Variants in ADAMTS3 observed in about 807,000 individuals in gnomAD.
ADAMTS3 encodes ADAM metallopeptidase with thrombospondin type 1 motif 3, also known as A disintegrin and metalloproteinase with thrombospondin motifs 3.
A neutral mutation model predicts 129.0 loss-of-function variants in ADAMTS3; 73 were observed. That is an observed-to-expected ratio of 0.57 (90% CI 0.47 to 0.69). The LOEUF (loss-of-function observed/expected upper bound fraction) is 0.69. ADAMTS3 is among the 30% of genes least tolerant of loss of function. ADAMTS3 has a pLI of 0.00. For missense variants in ADAMTS3, 1,457 were observed against 1,514.5 expected (o/e 0.96, Z 0.63); for synonymous variants, 477 against 510.8 (o/e 0.93, Z 0.89).
At position 72,290,905 on chromosome 4, in the gene ADAMTS3, A is replaced by G; in HGVS notation, c.2881T>C (p.Cys961Arg). 1 of 1,613,960 alleles carries G rather than the reference A, an allele frequency of 6.2e-7. No individual in the cohort carries two copies. The highest frequency in any genetic ancestry group is 8.5e-7 in the Non-Finnish European group (1 of 1,179,936). ...MGDRPESRRP[C>R]NRVPCPAQWK... ...TGTGCAGGGCAGGGCACTCTGTTAC[A>G]GGGCCGGCGGCTCTCGGGACGGTCA... Residue 961 changes from cysteine to arginine, a missense_variant, in exon 20 of 22, where the codon TGT (cysteine) becomes CGT (arginine). Cys to Arg is a radical substitution (Grantham distance 180). Coordinates refer to ENST00000286657, the MANE Select transcript of ADAMTS3 (RefSeq NM_014243.3).
chr4:72,347,129 A>T lies in ADAMTS3; in HGVS notation c.662-7436T>A, dbSNP rs1467308436. 2.0e-5 allele frequency among the ~76,000 whole-genome samples: 3 copies of T among 152,222 alleles called. No homozygotes were observed. The South Asian group carries it at 6.2e-4, about 32-fold the overall frequency. On this transcript the variant is annotated intron_variant, in intron 4 of 21. Coordinates refer to ENST00000286657, the MANE Select transcript of ADAMTS3 (RefSeq NM_014243.3). ...TAGTTGTTGGTCTAAGTTTAATGCTAGAAGAGGAAAGTGGAGACTACTAAT... is the reference window on the plus strand; with the variant it reads ...TAGTTGTTGGTCTAAGTTTAATGCTTGAAGAGGAAAGTGGAGACTACTAAT...
intron 4 of ADAMTS3, among the ~76,000 whole-genome samples, chr4:72,373,299 T>A (rs768006275): frequency 3.3e-5 from 5 of 152,076 alleles, no homozygotes; most frequent in South Asian, 2.1e-4. Context: ...CACACACATA[T>A]GGTCGCCTCA....
intron 4 of ADAMTS3, among the ~76,000 whole-genome samples, chr4:72,388,980 T>C (rs542137008): frequency 1.6e-4 from 24 of 152,298 alleles, no homozygotes; most frequent in Admixed American, 1.5e-3. Flanking sequence ...AAAGACTCAG[T>C]GCCTGAGATT....
chr4:72,377,455 A>G lies in ADAMTS3; in HGVS notation c.661+37360T>C, dbSNP rs144327784. On this transcript the variant is annotated intron_variant, in intron 4 of 21. Coordinates refer to ENST00000286657, the MANE Select transcript of ADAMTS3 (RefSeq NM_014243.3). ...GATTTAGGATTATATGTCATTACAGAATAACTCCACTTGAGCACTGTTAAA... is the reference window on the plus strand; with the variant it reads ...GATTTAGGATTATATGTCATTACAGGATAACTCCACTTGAGCACTGTTAAA... Among the ~76,000 whole-genome samples, 367 of 152,300 alleles carry G rather than the reference A, an allele frequency of 2.4e-3. 2 individuals are homozygous for G. The highest frequency in any genetic ancestry group is 8.3e-3 in the African/African-American group (345 of 41,574).
chr4:72,403,777 G>T (rs2109912305), intron 4 of ADAMTS3, among the ~76,000 whole-genome samples: 1 of 152,026 alleles, frequency 6.6e-6, no homozygotes, highest in Non-Finnish European at 1.5e-5. Context: ...AGCAACCCTT[G>T]AACACATAGG....
intron 4 of ADAMTS3, among the ~76,000 whole-genome samples, chr4:72,368,192 A>C (rs1300190286): frequency 6.6e-6 from 1 of 152,212 alleles, no homozygotes; most frequent in African/African-American, 2.4e-5. Flanking sequence ...TTAAGCTTTA[A>C]TAAATTACAA....
At chr4:72,413,434 A>C (rs1288324988) in intron 4 of ADAMTS3, among the ~76,000 whole-genome samples, 1 of 152,058 alleles carries the variant, frequency 6.6e-6, no homozygotes, top group Non-Finnish European at 1.5e-5. Context: ...TAACATAACC[A>C]GTCTTCTGAT....
At position 72,303,909 on chromosome 4, in the gene ADAMTS3, C is replaced by T; in HGVS notation, c.2424+8G>A. On this transcript the variant is annotated splice_region_variant and intron_variant, in intron 17 of 21. Coordinates refer to ENST00000286657, the MANE Select transcript of ADAMTS3 (RefSeq NM_014243.3). ...CTAACTATACCATGAGCCCATAATG[C>T]CACATACCAAAACAATAACAGGATC... The T allele has an allele frequency of 1.2e-6, 2 of 1,612,850 alleles. No individual in the cohort carries two copies. The highest frequency in any genetic ancestry group is 2.2e-5 in the East Asian group (1 of 44,782).
At chr4:72,453,272 A>G (rs1560520975) in intron 3 of ADAMTS3, among the ~76,000 whole-genome samples, 4 of 151,864 alleles carry the variant, frequency 2.6e-5, no homozygotes. Context: ...GGCTGGTAGT[A>G]GTAGAAACAG....
chr4:72,291,087 G>C (rs1578555004), intron 19 of ADAMTS3, 25 bp from the exon 20 acceptor site: 3 of 1,612,028 alleles, frequency 1.9e-6, no homozygotes, highest in Non-Finnish European at 2.5e-6. Flanking sequence ...ATTTAATATT[G>C]CAATTATCAC....
At chr4:72,387,514 T>C (rs1481119596) in intron 4 of ADAMTS3, among the ~76,000 whole-genome samples, 1 of 152,210 alleles carries the variant, frequency 6.6e-6, no homozygotes, top group Non-Finnish European at 1.5e-5. Flanking sequence ...AGTTCTTGTG[T>C]TGAATTTCCT....
rs56069945 is a variant in ADAMTS3 at position 72,374,318 on chromosome 4, T to C, written c.662-34625A>G. ...TTTTTTTTTTGCTGGTACAGAATAC[T>C]CTGTTATTATCTTCTTGCTATGCTT... On this transcript the variant is annotated intron_variant, in intron 4 of 21. Coordinates refer to ENST00000286657, the MANE Select transcript of ADAMTS3 (RefSeq NM_014243.3). 2.2e-3 allele frequency among the ~76,000 whole-genome samples: 341 copies of C among 151,958 alleles called. 1 individual carries two copies. The highest frequency in any genetic ancestry group is 7.6e-3 in the African/African-American group (316 of 41,436).
intron 3 of ADAMTS3, among the ~76,000 whole-genome samples, chr4:72,522,299 C>T (rs920372413): frequency 2.6e-5 from 4 of 152,126 alleles, no homozygotes; most frequent in African/African-American, 9.7e-5. Context: ...CTTTTTAGCA[C>T]CTGGTCAAGT....
intron 21 of ADAMTS3, among the ~76,000 whole-genome samples, chr4:72,285,627 T>C (rs1003437549): frequency 6.6e-6 from 1 of 152,124 alleles, no homozygotes; most frequent in African/African-American, 2.4e-5. Flanking sequence ...AGAGTCCTGT[T>C]CATAACCTGG....
chr4:72,421,158 C>T (rs78550803), intron 3 of ADAMTS3, among the ~76,000 whole-genome samples: 5,557 of 152,312 alleles, frequency 0.036, 123 homozygotes, highest in Non-Finnish European at 0.048. Flanking sequence ...ATGTCCTAGC[C>T]TTGTCTATTT....
In ADAMTS3 at chr4:72,283,565, T is replaced by C. The variant is rs773053256; in HGVS notation, c.3189A>G (p.Leu1063=). The change falls in exon 22 of 22, where the codon CTA becomes CTG. Residue 1063 remains leucine, a synonymous_variant. Transcript: ENST00000286657. ...RSSTLPPPYL[L]EAAETHDDVI... ...CATCATCATGAGTTTCAGCAGCTTC[T>C]AGAAGGTATGGTGGTGGCAGGGTGC... The C allele has an allele frequency of 1.9e-6, 3 of 1,614,068 alleles. No homozygotes were observed. The South Asian group carries it at 3.3e-5, about 18-fold the overall frequency.
At chr4:72,297,971 C>T (rs553833595) in intron 18 of ADAMTS3, among the ~76,000 whole-genome samples, 1 of 151,956 alleles carries the variant, frequency 6.6e-6, no homozygotes, top group Non-Finnish European at 1.5e-5. Context: ...CCAGAGTACA[C>T]TGAATTTGGG....
intron 5 of ADAMTS3, among the ~76,000 whole-genome samples, chr4:72,333,414 T>A (rs1719901436): frequency 6.6e-6 from 1 of 152,174 alleles, no homozygotes. Flanking sequence ...GCCCATGGAT[T>A]CAATAGCAAA....
chr4:72,564,185 T>C (rs1307397885), intron 2 of ADAMTS3, among the ~76,000 whole-genome samples: 6 of 152,110 alleles, frequency 3.9e-5, no homozygotes, highest in African/African-American at 1.4e-4. Context: ...GGAAGACAGC[T>C]TAACACTAAA....
Sources: gnomAD v4.1 joint callset for allele counts (sites outside exome capture counted in the v4.1 genomes callset) on GRCh38, gnomAD v4.1.1 for gene constraint, MANE v1.5 for transcripts, NCBI Gene and HGNC (gene_info 2026-07-23, HGNC 2026-07-21) for gene names.